VCPIP1: variants seen among roughly 807,000 people sequenced by gnomAD.
VCPIP1 encodes the protein deubiquitinating protein VCPIP1.
A neutral mutation model predicts 85.0 loss-of-function variants in VCPIP1; 8 were observed. The ratio of observed to expected loss-of-function variants is 0.09; its 90% CI spans 0.06 to 0.17. The LOEUF (loss-of-function observed/expected upper bound fraction) is 0.17. VCPIP1 is among the 10% of genes least tolerant of loss of function. The probability of loss-of-function intolerance (pLI) is 1.00; values close to 1 mark genes in which losing one functional copy is unlikely to be tolerated. For synonymous variants in VCPIP1, 543 were observed against 544.5 expected (o/e 1.00, Z 0.04); for missense variants, 1,070 against 1,486.3 (o/e 0.72, Z 4.61).
intron 2 of VCPIP1, among the ~76,000 whole-genome samples, chr8:66,640,946 C>G (rs1025398222): frequency 6.6e-5 from 10 of 152,208 alleles, no homozygotes; most frequent in Non-Finnish European, 1.0e-4. Context: ...CACCCTGACC[C>G]TTCAATGAGC....
intron 1 of VCPIP1, among the ~76,000 whole-genome samples, chr8:66,656,866 A>T (rs1050635279): frequency 7.0e-6 from 1 of 143,710 alleles, no homozygotes; most frequent in African/African-American, 2.9e-5. Context: ...CCCTCGGCCT[A>T]CCAAAGTAGG....
At chr8:66,654,011 C>G (rs1054518149) in intron 1 of VCPIP1, among the ~76,000 whole-genome samples, 3 of 152,180 alleles carry the variant, frequency 2.0e-5, no homozygotes, top group African/African-American at 7.2e-5. Flanking sequence ...TCTGAGCAGG[C>G]TCTTCACATA....
intron 2 of VCPIP1, among the ~76,000 whole-genome samples, chr8:66,637,218 G>A (rs534781387): frequency 6.6e-6 from 1 of 151,582 alleles, no homozygotes; most frequent in Admixed American, 6.6e-5. Context: ...GAGGGTGATG[G>A]CATACACCTA....
chr8:66,647,647 A>G (rs2130162719), intron 2 of VCPIP1, among the ~76,000 whole-genome samples: 1 of 152,242 alleles, frequency 6.6e-6, no homozygotes, highest in African/African-American at 2.4e-5. Context: ...TGCATATCAC[A>G]TAATTCATCC....
rs542302342 is a variant in VCPIP1, at chr8:66,651,337, A to G, written c.2797+121T>C. The G allele has an allele frequency of 9.5e-4, 722 of 758,636 alleles. 16 individuals are homozygous for G. In the South Asian group the frequency reaches 0.015, roughly 16 times the overall value. The allele number at this position is 758,636 out of a possible 1,614,324, so 47.0% of individuals were successfully genotyped here. A position where few individuals can be genotyped will look rare whatever the true frequency, so the allele number is the denominator to read the frequency against. ...TTCATTTTAATTAGGCAAACTGCTA[A>G]AAGAATATAAACCTAAAATTAACTT... On this transcript the variant is annotated intron_variant, in intron 2 of 2. Coordinates refer to ENST00000310421, the MANE Select transcript of VCPIP1 (RefSeq NM_025054.5).
At position 66,635,042 on chromosome 8, in the gene VCPIP1, G is replaced by A. The variant is rs1278221704; in HGVS notation, c.3128C>T (p.Pro1043Leu). 1.9e-6 allele frequency: 3 copies of A among 1,613,710 alleles called. No individual in the cohort carries two copies. The highest frequency in any genetic ancestry group is 2.5e-6 in the Non-Finnish European group (3 of 1,179,766). ...TACAACTGAAGTTTCCCTAGCTCTTGGATCAAGGTGTGGGTTACCAGATGC... is the reference window on the plus strand; with the variant it reads ...TACAACTGAAGTTTCCCTAGCTCTTAGATCAAGGTGTGGGTTACCAGATGC... ...GTASGNPHLD[P>L]RARETSVVRK... Residue 1043 changes from proline to leucine, a missense_variant, in exon 3 of 3, where the codon CCA becomes CTA. Physicochemically the swap from Pro to Leu is moderately conservative, Grantham distance 98. Transcript: ENST00000310421.
At position 66,664,674 on chromosome 8, in the gene VCPIP1, G is replaced by A. The variant is rs1178649516; in HGVS notation, c.2285C>T (p.Pro762Leu). 2 of 1,613,392 alleles carry A rather than the reference G, an allele frequency of 1.2e-6. No homozygotes were observed. Among genetic ancestry groups the A allele is most frequent in the East Asian group, 4.5e-5 (2 of 44,890 alleles). Residue 762 changes from proline (P) to leucine (L), a missense_variant, in exon 1 of 3, where the codon CCT becomes CTT. This residue lies in a region of VCPIP1 where 278 missense variants were observed against 298.5 expected (regional missense o/e 0.93). Transcript: ENST00000310421. ...TGTCGGTGAATAGGGAGCCTTGGTA[G>A]GTGTAGCAGGTGCAGAGGATGGACC... ...RDGPSSAPAT[P>L]TKAPYSPTTS... is the part of the protein sequence containing the mutation.
intron 1 of VCPIP1, among the ~76,000 whole-genome samples, chr8:66,660,419 T>G (rs1166763772): frequency 2.0e-5 from 3 of 152,234 alleles, no homozygotes; most frequent in Admixed American, 6.5e-5. Flanking sequence ...GGTACACTGA[T>G]AGAGGGAACC....
In VCPIP1 at chr8:66,664,929, C is replaced by A; in HGVS notation, c.2030G>T (p.Gly677Val). 1 of 1,614,152 alleles carries A rather than the reference C, an allele frequency of 6.2e-7. No homozygotes were observed. Among genetic ancestry groups the A allele is most frequent in the South Asian group, 1.1e-5 (1 of 91,072 alleles). Residue 677 changes from glycine to valine, a missense_variant, in exon 1 of 3, where the codon GGA becomes GTA. Transcript: ENST00000310421. Reference sequence around the variant, plus strand: ...CTCTGATTCTTGTCCTTGAACATCTCCAACTCTTTGGGCGTGAGCACCATC... The same window carrying A: ...CTCTGATTCTTGTCCTTGAACATCTACAACTCTTTGGGCGTGAGCACCATC... ...NIDGAHAQRV[G>V]DVQGQESESQ... is the part of the protein sequence containing the mutation.
At position 66,665,692 on chromosome 8, in the gene VCPIP1, C is replaced by G. The variant is rs745936955; in HGVS notation, c.1267G>C (p.Asp423His). 2.5e-6 allele frequency: 4 copies of G among 1,613,920 alleles called. No homozygotes were observed. Among genetic ancestry groups the G allele is most frequent in the Non-Finnish European group, 3.4e-6 (4 of 1,179,966 alleles). The change falls in exon 1 of 3, where the codon GAC becomes CAC. Residue 423 changes from aspartate to histidine, a missense_variant. Physicochemically the swap from Asp to His is moderately conservative, Grantham distance 81 (BLOSUM62 -1). Around this residue, in one of 8 missense-constraint regions of VCPIP1, gnomAD observed 83 missense variants for 134.6 expected, o/e 0.62. Transcript: ENST00000310421. This position sits in a 1 kb window ranked among gnomAD's most constrained non-coding sequence, Gnocchi z 4.3. ...AAACTAGGATGGATACCATGTTTGTCCATAAAGACTTCTTCCATAGCAGCA... is the reference window on the plus strand; with the variant it reads ...AAACTAGGATGGATACCATGTTTGTGCATAAAGACTTCTTCCATAGCAGCA... ...LVAAMEEVFMDKHGIHPSLVA... is the reference protein window; with the variant it reads ...LVAAMEEVFMHKHGIHPSLVA...
At chr8:66,635,426 G>A (rs1274384768) in intron 2 of VCPIP1, 54 bp from the exon 3 acceptor site, 1 of 1,458,272 alleles carries the variant, frequency 6.9e-7, no homozygotes, top group Non-Finnish European at 9.1e-7. Flanking sequence ...ATTAATAAAA[G>A]TGTAGTCAAG....
At chr8:66,657,345 A>G (rs577880249) in intron 1 of VCPIP1, among the ~76,000 whole-genome samples, 77 of 152,364 alleles carry the variant, frequency 5.1e-4, no homozygotes, top group African/African-American at 1.8e-3. Context: ...ATTTGAATAA[A>G]TGGTTCCAAA....
At chr8:66,651,590 T>A in intron 1 of VCPIP1, 46 bp from the exon 2 acceptor site, 1 of 1,520,982 alleles carries the variant, frequency 6.6e-7, no homozygotes, top group Non-Finnish European at 9.1e-7. Flanking sequence ...ACAAAAGAGT[T>A]CCATCCAGGG....
At chr8:66,641,923 CAT>C (rs1446434018) in intron 2 of VCPIP1, among the ~76,000 whole-genome samples, 1 of 152,176 alleles carries the variant, frequency 6.6e-6, no homozygotes, top group African/African-American at 2.4e-5. Flanking sequence ...TTTGTGTGGA[CAT>C]ATGTTTCCAT....
chr8:66,628,807 A>G lies in VCPIP1; in HGVS notation c.*5694T>C, dbSNP rs1810805344. 6.6e-6 allele frequency: 1 copy of G among 152,204 alleles called. No individual in the cohort carries two copies. The highest frequency in any genetic ancestry group is 1.5e-5 in the Non-Finnish European group (1 of 68,044). The allele number at this position is 152,204 out of a possible 1,614,324, so 9.4% of individuals were successfully genotyped here. A position where few individuals can be genotyped will look rare whatever the true frequency, so the allele number is the denominator to read the frequency against. ...TCCCATCAGCACTATGCCCTCTGCAAGTAAGACTATGACGACAATGGTCGG... is the reference window on the plus strand; with the variant it reads ...TCCCATCAGCACTATGCCCTCTGCAGGTAAGACTATGACGACAATGGTCGG... On this transcript the variant is annotated 3_prime_UTR_variant, in exon 3 of 3. Coordinates refer to ENST00000310421, the MANE Select transcript of VCPIP1 (RefSeq NM_025054.5).
chr8:66,633,951 T>C lies in VCPIP1; in HGVS notation c.*550A>G, dbSNP rs1156746340. 1 of 152,250 alleles carries C rather than the reference T, an allele frequency of 6.6e-6. No homozygotes were observed. The highest frequency in any genetic ancestry group is 1.9e-4 in the East Asian group (1 of 5,206). 9.4% of individuals were successfully genotyped at this position (152,250 alleles called of 1,614,324 possible). ...ATCGTTACATTCTATTCTCAAGATA[T>C]TTTCGCCAAGAAATCTCTATGAATG... On this transcript the variant is annotated 3_prime_UTR_variant, in exon 3 of 3. Coordinates refer to ENST00000310421, the MANE Select transcript of VCPIP1 (RefSeq NM_025054.5).
Position 66,635,330 on chromosome 8 carries a change from C to G in VCPIP1, c.2840G>C (p.Gly947Ala). The G allele has an allele frequency of 6.2e-7, 1 of 1,613,764 alleles. No individual in the cohort carries two copies. Among genetic ancestry groups the G allele is most frequent in the Non-Finnish European group, 8.5e-7 (1 of 1,179,982 alleles). The change falls in exon 3 of 3, where the codon GGC (glycine) becomes GCC (alanine). Residue 947 changes from glycine (G) to alanine (A), a missense_variant. This residue lies in a region of VCPIP1 where 46 missense variants were observed against 95.2 expected (regional missense o/e 0.48). Transcript: ENST00000310421. Reference sequence around the variant, plus strand: ...AGAAGCATTATAGACAAAGGTTTTGCCAGGCAGATGTGGAAAAGTACAATG... The same window carrying G: ...AGAAGCATTATAGACAAAGGTTTTGGCAGGCAGATGTGGAAAAGTACAATG... ...GKHCTFPHLP[G>A]KTFVYNASED... is the part of the protein sequence containing the mutation.
Position 66,638,936 on chromosome 8 carries a change from T to TTCTC in VCPIP1, c.2798-3568_2798-3565dup, listed in dbSNP as rs750894538. ...CTGTACAAAAACCTGCAAGAAAACT[T>TTCTC]TCTCTCTCTCTCTCTCTCTCTCTCT... On this transcript the variant is annotated intron_variant, in intron 2 of 2. Coordinates refer to ENST00000310421, the MANE Select transcript of VCPIP1 (RefSeq NM_025054.5). 2.7e-3 allele frequency among the ~76,000 whole-genome samples: 357 copies of TTCTC among 131,632 alleles called. 6 individuals are homozygous for TTCTC. The highest frequency in any genetic ancestry group is 0.017 in the East Asian group (79 of 4,674). 86.4% of individuals were successfully genotyped at this position (131,632 alleles called of 152,430 possible).
Position 66,629,583 on chromosome 8 carries a change from C to CA in VCPIP1, c.*4917dup, listed in dbSNP as rs1810813571. On this transcript the variant is annotated 3_prime_UTR_variant, in exon 3 of 3. Coordinates refer to ENST00000310421, the MANE Select transcript of VCPIP1 (RefSeq NM_025054.5). ...ATTTTGCTGGCAGGGTGCGGTGGCT[C>CA]ACGCCTGTAATCCCAGCACTTAAAG... The CA allele has an allele frequency of 6.6e-6, 1 of 152,186 alleles. No homozygotes were observed. The highest frequency in any genetic ancestry group is 6.5e-5 in the Admixed American group (1 of 15,282). The allele number at this position is 152,186 out of a possible 1,614,324, so 9.4% of individuals were successfully genotyped here. A position where few individuals can be genotyped will look rare whatever the true frequency, so the allele number is the denominator to read the frequency against.
Sources: gnomAD v4.1 joint callset for allele counts (sites outside exome capture counted in the v4.1 genomes callset) on GRCh38, gnomAD v4.1.1 for gene constraint, gnomAD v4.1.1 regional missense constraint, Gnocchi (gnomAD v3.1) non-coding constraint, MANE v1.5 for transcripts, NCBI Gene and HGNC (gene_info 2026-07-23, HGNC 2026-07-21) for gene names.